Variants in EPB41L4B observed in about 807,000 individuals in gnomAD.
EPB41L4B encodes the protein erythrocyte membrane protein band 4.1 like 4B.
EPB41L4B carries 30 observed loss-of-function variants against 112.5 expected under a neutral mutation model. The ratio of observed to expected loss-of-function variants is 0.27; its 90% CI spans 0.20 to 0.36. The LOEUF (loss-of-function observed/expected upper bound fraction) is 0.36, where lower values mean the gene tolerates loss of function less well. Among genes scored for constraint, EPB41L4B ranks in the 10% least tolerant of loss-of-function variants. The pLI is 1.00. For synonymous variants in EPB41L4B, 408 were observed against 439.7 expected, an observed-to-expected ratio of 0.93 and a Z score of 0.90; for missense variants, 1,024 against 1,133.3, an observed-to-expected ratio of 0.90 and a Z score of 1.38.
At chr9:109,222,760 T>A (rs78070737) in intron 15 of EPB41L4B, among the ~76,000 whole-genome samples, 180 of 152,312 alleles carry the variant, frequency 1.2e-3, no homozygotes, top group African/African-American at 4.3e-3. Context: ...AAGGGGCTGC[T>A]ATGTGCCTAG....
intron 16 of EPB41L4B, among the ~76,000 whole-genome samples, chr9:109,216,647 C>CAAAAAAA (rs10568620): frequency 7.5e-6 from 1 of 132,592 alleles, no homozygotes; most frequent in Non-Finnish European, 1.6e-5. Flanking sequence ...GACTCCATCT[C>CAAAAAAA]AAAAAAAAAA....
At chr9:109,254,915 C>T (rs922992659) in intron 11 of EPB41L4B, among the ~76,000 whole-genome samples, 4 of 152,200 alleles carry the variant, frequency 2.6e-5, no homozygotes, top group African/African-American at 7.2e-5. Context: ...AAAGGCAATA[C>T]AGTAGCAGTT....
intron 15 of EPB41L4B, among the ~76,000 whole-genome samples, chr9:109,242,208 G>C (rs1253122566): frequency 6.6e-6 from 1 of 152,220 alleles, no homozygotes; most frequent in Non-Finnish European, 1.5e-5. Flanking sequence ...TTTTCATGGG[G>C]TATCTTTGTA....
chr9:109,232,844 T>G (rs1834000812), intron 15 of EPB41L4B, among the ~76,000 whole-genome samples: 1 of 152,202 alleles, frequency 6.6e-6, no homozygotes, highest in Non-Finnish European at 1.5e-5. Flanking sequence ...CAAATGATCC[T>G]CTCTCTGTTC....
intron 15 of EPB41L4B, among the ~76,000 whole-genome samples, chr9:109,224,480 T>C (rs1463569223): frequency 2.0e-5 from 3 of 152,124 alleles, no homozygotes; most frequent in Non-Finnish European, 2.9e-5. Context: ...ATATAAAACA[T>C]CTAGAATAGG....
At chr9:109,212,205 T>C (rs531574570) in intron 17 of EPB41L4B, among the ~76,000 whole-genome samples, 10 of 152,226 alleles carry the variant, frequency 6.6e-5, no homozygotes, top group Non-Finnish European at 1.5e-4. Context: ...CACTATATGC[T>C]GTATTTCCTT....
intron 15 of EPB41L4B, among the ~76,000 whole-genome samples, chr9:109,223,640 G>A (rs1833667152): frequency 6.6e-6 from 1 of 152,000 alleles, no homozygotes; most frequent in Non-Finnish European, 1.5e-5. Flanking sequence ...ATCTAATCCT[G>A]GATAAGAAAT....
intron 6 of EPB41L4B, 74 bp from the exon 7 acceptor site, chr9:109,258,371 G>T: frequency 6.5e-7 from 1 of 1,546,854 alleles, no homozygotes; most frequent in African/African-American, 1.4e-5. Flanking sequence ...CAGGTCCAAA[G>T]GCATTTTGCA....
In EPB41L4B at chr9:109,174,432, C is replaced by T; in HGVS notation, c.*122G>A. 1.1e-6 allele frequency: 1 copy of T among 936,398 alleles called. No homozygotes were observed. Among genetic ancestry groups the T allele is most frequent in the Admixed American group, 2.0e-5 (1 of 50,914 alleles). 58.0% of individuals were successfully genotyped at this position (936,398 alleles called of 1,614,324 possible). On this transcript the variant is annotated 3_prime_UTR_variant, in exon 26 of 26. Transcript: ENST00000374566. ...AAGCCAGAAATTGGCTTCAACTAACCATGGAGACCTGGGCGAACAGAGCAC... is the reference window on the plus strand; with the variant it reads ...AAGCCAGAAATTGGCTTCAACTAACTATGGAGACCTGGGCGAACAGAGCAC...
At chr9:109,175,650 G>T (rs1831799916) in intron 25 of EPB41L4B, among the ~76,000 whole-genome samples, 1 of 151,974 alleles carries the variant, frequency 6.6e-6, no homozygotes, top group South Asian at 2.1e-4. Context: ...GGGATGACAG[G>T]CACGAGCCAC....
intron 1 of EPB41L4B, among the ~76,000 whole-genome samples, 167 bp downstream of exon 1, chr9:109,319,974 G>C (rs1340306872): frequency 1.3e-5 from 2 of 152,140 alleles, no homozygotes; most frequent in Admixed American, 1.3e-4. Context: ...AGACCGGGAC[G>C]GGGTGGCCCA....
intron 1 of EPB41L4B, among the ~76,000 whole-genome samples, chr9:109,284,422 T>C (rs1359309513): frequency 1.3e-5 from 2 of 152,172 alleles, no homozygotes; most frequent in Non-Finnish European, 2.9e-5. Context: ...CCAAGTTTTT[T>C]GTTTGTTTTA....
In EPB41L4B at chr9:109,218,890, C is replaced by T. The variant is rs767540873; in HGVS notation, c.1410-1745G>A. Among the ~76,000 whole-genome samples the T allele has an allele frequency of 4.1e-4, 63 of 152,092 alleles. 1 individual carries two copies. The highest frequency in any genetic ancestry group is 4.1e-3 in the Admixed American group (62 of 15,262). On this transcript the variant is annotated intron_variant, in intron 15 of 25. Coordinates refer to ENST00000374566, the MANE Select transcript of EPB41L4B (RefSeq NM_019114.5). Reference sequence around the variant, plus strand: ...TTCCCATGGTTCAGATCTCTACTGCCCACTCTTTCACTCTGTCTTCAAGGA... The same window carrying T: ...TTCCCATGGTTCAGATCTCTACTGCTCACTCTTTCACTCTGTCTTCAAGGA...
intron 2 of EPB41L4B, among the ~76,000 whole-genome samples, chr9:109,270,158 A>G (rs536287183): frequency 2.6e-5 from 4 of 152,350 alleles, no homozygotes; most frequent in African/African-American, 9.6e-5. Context: ...TGGCTCATCC[A>G]TATAATGAAA....
At chr9:109,179,082 C>G (rs1183289365) in intron 24 of EPB41L4B, among the ~76,000 whole-genome samples, 1 of 152,028 alleles carries the variant, frequency 6.6e-6, no homozygotes, top group Non-Finnish European at 1.5e-5. Context: ...AGGACAGAGC[C>G]AGATTAGAAA....
intron 24 of EPB41L4B, among the ~76,000 whole-genome samples, chr9:109,179,434 G>A (rs1374907201): frequency 6.6e-6 from 1 of 152,182 alleles, no homozygotes; most frequent in Non-Finnish European, 1.5e-5. Context: ...ACACAGGGGT[G>A]AGAAAATTGA....
intron 17 of EPB41L4B, among the ~76,000 whole-genome samples, chr9:109,210,505 A>G (rs1328601885): frequency 2.6e-5 from 4 of 152,234 alleles, no homozygotes; most frequent in Non-Finnish European, 5.9e-5. Flanking sequence ...CAAAAAATAG[A>G]ATGCTGCTAA....
intron 16 of EPB41L4B, among the ~76,000 whole-genome samples, chr9:109,216,132 G>T (rs1454990675): frequency 6.6e-6 from 1 of 152,192 alleles, no homozygotes; most frequent in Non-Finnish European, 1.5e-5. Flanking sequence ...AGAAAGTCCA[G>T]CCATCACTCC....
At chr9:109,176,165 T>C (rs1831833145) in intron 25 of EPB41L4B, among the ~76,000 whole-genome samples, 2 of 151,992 alleles carry the variant, frequency 1.3e-5, no homozygotes, top group African/African-American at 4.8e-5. Context: ...TCTCACTCTG[T>C]TGCCCAGGCT....
Sources: allele counts gnomAD v4.1 joint callset (sites outside exome capture counted in the v4.1 genomes callset), GRCh38; gene constraint gnomAD v4.1.1; transcripts MANE v1.5; gene names NCBI Gene and HGNC (gene_info 2026-07-23, HGNC 2026-07-21).